SLCO6A1: variants seen among roughly 807,000 people sequenced by gnomAD.
The protein encoded by SLCO6A1 is cancer/testis antigen 48.
SLCO6A1 carries 65 observed loss-of-function variants against 72.7 expected under a neutral mutation model. The observed-to-expected ratio is 0.89, with a 90% confidence interval of 0.73 to 1.10. The LOEUF (loss-of-function observed/expected upper bound fraction) is 1.10. Among genes scored for constraint, SLCO6A1 ranks in the 50% least tolerant of loss-of-function variants. SLCO6A1 has a pLI of 0.00. For missense variants in SLCO6A1, 874 were observed against 872.6 expected, an observed-to-expected ratio of 1.00 and a Z score of -0.02; for synonymous variants, 314 against 298.2, an observed-to-expected ratio of 1.05 and a Z score of -0.55.
chr5:102,482,879 T>A (rs756780010), intron 1 of SLCO6A1, among the ~76,000 whole-genome samples: 1 of 152,186 alleles, frequency 6.6e-6, no homozygotes, highest in Non-Finnish European at 1.5e-5. Context: ...ACCAGAACTA[T>A]ATAATACCTG....
At chr5:102,427,792 G>A (rs1748976678) in intron 7 of SLCO6A1, among the ~76,000 whole-genome samples, 1 of 149,008 alleles carries the variant, frequency 6.7e-6, no homozygotes, top group African/African-American at 2.5e-5. Flanking sequence ...TATAAAAGGG[G>A]AAACTGGGTG....
intron 6 of SLCO6A1, among the ~76,000 whole-genome samples, chr5:102,450,275 G>A (rs1441458748): frequency 6.6e-6 from 1 of 152,186 alleles, no homozygotes; most frequent in African/African-American, 2.4e-5. Flanking sequence ...TTTAACCATG[G>A]TGTAATTTGA....
Position 102,476,209 on chromosome 5 carries a change from T to TA in SLCO6A1, c.803-417dup, listed in dbSNP as rs780925237. 5.5e-4 allele frequency among the ~76,000 whole-genome samples: 84 copies of TA among 151,772 alleles called. 1 individual carries two copies. The highest frequency in any genetic ancestry group is 1.2e-3 in the Admixed American group (18 of 15,226). On this transcript the variant is annotated intron_variant, in intron 3 of 13. Transcript: ENST00000506729. Reference sequence around the variant, plus strand: ...CTGTTCCCCCCAACACTACTGAAATTAAAAAAAATTTTAAACACAAAAATA... The same window carrying TA: ...CTGTTCCCCCCAACACTACTGAAATTAAAAAAAAATTTTAAACACAAAAATA...
intron 9 of SLCO6A1, among the ~76,000 whole-genome samples, chr5:102,406,996 A>C (rs1165650974): frequency 1.2e-5 from 1 of 85,210 alleles, no homozygotes; most frequent in Non-Finnish European, 2.6e-5. Flanking sequence ...ACAACACCCA[A>C]GAGTCCCTCT....
At chr5:102,399,889 T>A in intron 9 of SLCO6A1, 147 bp from the exon 10 acceptor site, 1 of 527,384 alleles carries the variant, frequency 1.9e-6, no homozygotes. Flanking sequence ...TGCTATGTAT[T>A]ATTTAGAAAT....
chr5:102,381,729 A>ATTTTT (rs1746118858), intron 12 of SLCO6A1, among the ~76,000 whole-genome samples: 1 of 81,572 alleles, frequency 1.2e-5, no homozygotes, highest in African/African-American at 4.6e-5. Flanking sequence ...ACCAATATTT[A>ATTTTT]TCTTTTTTTT....
intron 4 of SLCO6A1, among the ~76,000 whole-genome samples, chr5:102,460,585 T>C (rs1750972525): frequency 6.6e-6 from 1 of 151,896 alleles, no homozygotes; most frequent in Admixed American, 6.6e-5. Flanking sequence ...TTAGGGGAGG[T>C]TGATTAATAC....
intron 8 of SLCO6A1, 103 bp downstream of exon 8, chr5:102,419,723 T>C (rs1748481807): frequency 5.5e-6 from 5 of 912,722 alleles, no homozygotes; most frequent in African/African-American, 3.5e-5. Context: ...ATTCCAATAA[T>C]TATATGAACA....
intron 8 of SLCO6A1, 39 bp from the exon 9 acceptor site, chr5:102,413,182 T>C: frequency 6.7e-7 from 1 of 1,501,384 alleles, no homozygotes; most frequent in Non-Finnish European, 8.8e-7. Flanking sequence ...ATTACCATTG[T>C]TTTATAATTA....
chr5:102,418,340 T>C (rs1748406433), intron 8 of SLCO6A1, among the ~76,000 whole-genome samples: 1 of 152,116 alleles, frequency 6.6e-6, no homozygotes, highest in African/African-American at 2.4e-5. Context: ...TACCAAAGTT[T>C]TGCTGAGTTT....
Position 102,461,350 on chromosome 5 carries a change from A to G in SLCO6A1, c.900-1573T>C, listed in dbSNP as rs144057458. Reference sequence around the variant, plus strand: ...TGTAACATACCATATGTATAAAAAGATAACAGTCCTAATGTGGCCCACAAA... The same window carrying G: ...TGTAACATACCATATGTATAAAAAGGTAACAGTCCTAATGTGGCCCACAAA... On this transcript the variant is annotated intron_variant, in intron 4 of 13. Transcript: ENST00000506729. Among the ~76,000 whole-genome samples the G allele has an allele frequency of 2.3e-3, 345 of 152,216 alleles. 1 individual carries two copies. Among genetic ancestry groups the G allele is most frequent in the African/African-American group, 7.6e-3 (317 of 41,562 alleles).
chr5:102,416,754 T>C (rs1456183283), intron 8 of SLCO6A1, among the ~76,000 whole-genome samples: 1 of 152,166 alleles, frequency 6.6e-6, no homozygotes, highest in Admixed American at 6.6e-5. Context: ...ATTAAAAATG[T>C]ACTGAGATTG....
chr5:102,432,178 G>C (rs1749256279), intron 7 of SLCO6A1, among the ~76,000 whole-genome samples: 1 of 152,050 alleles, frequency 6.6e-6, no homozygotes, highest in African/African-American at 2.4e-5. Flanking sequence ...ATTCGGTCTT[G>C]CTTTTCTATT....
chr5:102,498,695 ATACCGGTGTTTT>A lies in SLCO6A1; in HGVS notation c.138_149del (p.Lys46_Tyr50delinsAsn), dbSNP rs1315492480. On this transcript the variant is annotated inframe_deletion, in exon 1 of 14. Transcript: ENST00000506729. ...TCAAGGCCTCTGGAAGTAGTCTCAG[ATACCGGTGTTTT>A]TTCCCGGGCTTCGAGGACTTCGGGG... 5.0e-6 allele frequency: 8 copies of A among 1,614,044 alleles called. No individual in the cohort carries two copies. The Admixed American group carries it at 5.0e-5, about 10-fold the overall frequency.
intron 10 of SLCO6A1, among the ~76,000 whole-genome samples, chr5:102,391,986 T>C (rs1746787571): frequency 6.6e-6 from 1 of 152,102 alleles, no homozygotes; most frequent in Non-Finnish European, 1.5e-5. Context: ...TCCTTGAACA[T>C]TTTAAAAAGT....
intron 9 of SLCO6A1, among the ~76,000 whole-genome samples, chr5:102,404,625 AG>A (rs1334771111): frequency 6.6e-6 from 1 of 152,202 alleles, no homozygotes; most frequent in Admixed American, 6.5e-5. Flanking sequence ...AAAAGAGAAA[AG>A]GGTATCTCTG....
chr5:102,480,299 T>C lies in SLCO6A1; in HGVS notation c.494A>G (p.Tyr165Cys), dbSNP rs754259039. Reference sequence around the variant, plus strand: ...CCATATTACTTTTTTTCTGTCTCCATAGAATGCTATAAATATTGCTACCAG... The same window carrying C: ...CCATATTACTTTTTTTCTGTCTCCACAGAATGCTATAAATATTGCTACCAG... Reference protein sequence around the residue: ...SGLVAIFIAFYGDRKKVIWFV... With the variant: ...SGLVAIFIAFCGDRKKVIWFV... The change falls in exon 2 of 14, where the codon TAT becomes TGT. Residue 165 changes from tyrosine to cysteine, a missense_variant. Coordinates refer to ENST00000506729, the MANE Select transcript of SLCO6A1 (RefSeq NM_173488.5). 2.5e-6 allele frequency: 4 copies of C among 1,613,592 alleles called. No individual in the cohort carries two copies. The highest frequency in any genetic ancestry group is 2.2e-5 in the South Asian group (2 of 91,064).
intron 4 of SLCO6A1, among the ~76,000 whole-genome samples, chr5:102,470,399 T>A (rs1261945104): frequency 6.6e-6 from 1 of 152,186 alleles, no homozygotes; most frequent in Admixed American, 6.5e-5. Flanking sequence ...AGGGTGTATG[T>A]CTCCAGGAAT....
intron 4 of SLCO6A1, among the ~76,000 whole-genome samples, chr5:102,464,331 A>G (rs993882218): frequency 6.6e-6 from 1 of 152,188 alleles, no homozygotes; most frequent in Non-Finnish European, 1.5e-5. Flanking sequence ...ATTGGGAGAA[A>G]TTATTTGTCA....
Sources: allele counts gnomAD v4.1 joint callset (sites outside exome capture counted in the v4.1 genomes callset), GRCh38; gene constraint gnomAD v4.1.1; transcripts MANE v1.5; gene names NCBI Gene and HGNC (gene_info 2026-07-23, HGNC 2026-07-21).